The following COL11A1 variants were observed in gnomAD, a reference collection of about 807,000 sequenced individuals.
COL11A1 encodes the protein collagen type XI alpha 1 chain.
In COL11A1, 74 loss-of-function variants were observed where a neutral mutation model predicts 265.2. That is an observed-to-expected ratio of 0.28 (90% CI 0.23 to 0.34). COL11A1 has a LOEUF of 0.34. Among genes scored for constraint, COL11A1 ranks in the 10% least tolerant of loss-of-function variants. COL11A1 has a pLI of 1.00. For missense variants in COL11A1, 2,165 were observed against 2,263.6 expected (o/e 0.96, Z 0.88); for synonymous variants, 816 against 727.6 (o/e 1.12, Z -1.96).
At chr1:102,961,245 T>C (rs1570875129) in intron 41 of COL11A1, among the ~76,000 whole-genome samples, 2 of 152,156 alleles carry the variant, frequency 1.3e-5, no homozygotes, top group African/African-American at 2.4e-5. Flanking sequence ...TTCTGAGGGA[T>C]TGATATGTAT....
intron 37 of COL11A1, among the ~76,000 whole-genome samples, chr1:102,968,792 C>G (rs115818502): frequency 0.03 from 4,491 of 152,230 alleles, 250 homozygotes; most frequent in African/African-American, 0.1. Flanking sequence ...ATTCTAGAAA[C>G]ATTATGCTGT....
At chr1:103,023,576 C>T (rs12728819) in intron 7 of COL11A1, among the ~76,000 whole-genome samples, 1 of 151,842 alleles carries the variant, frequency 6.6e-6, no homozygotes, top group Admixed American at 6.6e-5. Context: ...AGGCTGGTCT[C>T]GAACTCCCGA....
chr1:102,890,665 A>G (rs975711678), intron 57 of COL11A1, among the ~76,000 whole-genome samples, 161 bp from the exon 58 acceptor site: 7 of 152,118 alleles, frequency 4.6e-5, no homozygotes, highest in African/African-American at 1.2e-4. Flanking sequence ...GTAAATTTAT[A>G]TATTTAAAAC....
chr1:103,086,483 CT>C (rs1391552657), intron 1 of COL11A1, among the ~76,000 whole-genome samples: 1 of 152,166 alleles, frequency 6.6e-6, no homozygotes, highest in East Asian at 1.9e-4. Context: ...GTGGCGCGAT[CT>C]CGGCTCGCTG....
Position 102,878,261 on chromosome 1 carries a change from T to C in COL11A1, c.5275-96A>G, listed in dbSNP as rs535917048. On this transcript the variant is annotated intron_variant, in intron 66 of 66. Transcript: ENST00000370096. Reference sequence around the variant, plus strand: ...GGGCTTCTGAGTGGAGGTAAGAAGCTGAGAGAGAAGAGAATAGAAAAACAA... The same window carrying C: ...GGGCTTCTGAGTGGAGGTAAGAAGCCGAGAGAGAAGAGAATAGAAAAACAA... 5 of 1,126,098 alleles carry C rather than the reference T, an allele frequency of 4.4e-6. No individual in the cohort carries two copies. The Admixed American group carries it at 7.3e-5, about 16-fold the overall frequency. 69.8% of individuals were successfully genotyped at this position (1,126,098 alleles called of 1,614,324 possible). A position where few individuals can be genotyped will look rare whatever the true frequency, so the allele number is the denominator to read the frequency against.
At chr1:103,044,452 T>A (rs373369386) in intron 4 of COL11A1, among the ~76,000 whole-genome samples, 11 of 152,142 alleles carry the variant, frequency 7.2e-5, no homozygotes, top group East Asian at 5.8e-4. Context: ...GTACTTCTAA[T>A]TCAACATCTG....
chr1:102,974,385 A>G (rs1256043889), intron 36 of COL11A1, among the ~76,000 whole-genome samples: 1 of 152,210 alleles, frequency 6.6e-6, no homozygotes, highest in African/African-American at 2.4e-5. Context: ...AGAGACAGAT[A>G]TAATATTAAT....
intron 54 of COL11A1, among the ~76,000 whole-genome samples, chr1:102,905,811 T>A (rs1395308005): frequency 1.3e-5 from 2 of 152,158 alleles, no homozygotes; most frequent in Admixed American, 6.5e-5. Flanking sequence ...TATACTATAC[T>A]CTGAAAGTGC....
intron 4 of COL11A1, among the ~76,000 whole-genome samples, chr1:103,048,303 G>T (rs1272904028): frequency 6.6e-6 from 1 of 152,206 alleles, no homozygotes; most frequent in Non-Finnish European, 1.5e-5. Flanking sequence ...TCTATTCAGA[G>T]ATTCAACTTC....
chr1:102,897,443 A>AAT (rs71094581), intron 57 of COL11A1, among the ~76,000 whole-genome samples: 25 of 150,430 alleles, frequency 1.7e-4, no homozygotes, highest in Admixed American at 5.3e-4. Context: ...AAGAAAAAAA[A>AAT]ATATATATAT....
At chr1:103,023,617 A>G (rs531718863) in intron 7 of COL11A1, among the ~76,000 whole-genome samples, 35 of 152,252 alleles carry the variant, frequency 2.3e-4, no homozygotes, top group African/African-American at 7.7e-4. Flanking sequence ...TTGGTCTCCC[A>G]AAGTGTTGGG....
At chr1:103,013,562 A>T (rs72987804) in intron 13 of COL11A1, among the ~76,000 whole-genome samples, 2,991 of 152,074 alleles carry the variant, frequency 0.02, 102 homozygotes, top group African/African-American at 0.068. Flanking sequence ...ATTTTTCATT[A>T]TCTTTAAACA....
In COL11A1 at chr1:103,091,542, G is replaced by A. The variant is rs187263142; in HGVS notation, c.107-8570C>T. On this transcript the variant is annotated intron_variant, in intron 1 of 66. Coordinates refer to ENST00000370096, the MANE Select transcript of COL11A1 (RefSeq NM_001854.4). ...AACTACTAAAATACATTAGTAAATTGTAAGATTATATATGAAGCCCTTACA... is the reference window on the plus strand; with the variant it reads ...AACTACTAAAATACATTAGTAAATTATAAGATTATATATGAAGCCCTTACA... 1.5e-4 allele frequency among the ~76,000 whole-genome samples: 23 copies of A among 152,098 alleles called. No homozygotes were observed. The East Asian group carries it at 4.3e-3, about 28-fold the overall frequency.
intron 39 of COL11A1, 38 bp downstream of exon 39, chr1:102,962,615 G>A: frequency 6.4e-7 from 1 of 1,574,160 alleles, no homozygotes; most frequent in South Asian, 1.1e-5. Flanking sequence ...ATAAATTAAA[G>A]TTTTGGGCCA....
In COL11A1 at chr1:102,887,037, A is replaced by G; in HGVS notation, c.4628T>C (p.Ile1543Thr). 2 of 1,613,870 alleles carry G rather than the reference A, an allele frequency of 1.2e-6. No homozygotes were observed. The highest frequency in any genetic ancestry group is 1.7e-6 in the Non-Finnish European group (2 of 1,179,816). The change falls in exon 63 of 67, where the codon ATT becomes ACT. Residue 1543 changes from isoleucine (I) to threonine (T), a missense_variant. Coordinates refer to ENST00000370096, the MANE Select transcript of COL11A1 (RefSeq NM_001854.4). ...PGSPGPPGEVIQPLPILSSKK... is the reference protein window; with the variant it reads ...PGSPGPPGEVTQPLPILSSKK... ...GGAGGACAAGATTGGTAAAGGCTGAATGACTTCACCAGGTGGACCCTGTAA... is the reference window on the plus strand; with the variant it reads ...GGAGGACAAGATTGGTAAAGGCTGAGTGACTTCACCAGGTGGACCCTGTAA...
chr1:102,914,577 T>C, intron 51 of COL11A1, 127 bp downstream of exon 51: 5 of 968,970 alleles, frequency 5.2e-6, no homozygotes, highest in East Asian at 2.6e-5. Context: ...CTTACGAATA[T>C]ATGAAATGAT....
chr1:103,022,619 A>T lies in COL11A1; in HGVS notation c.1245+123T>A, dbSNP rs530462201. 3 of 1,133,694 alleles carry T rather than the reference A, an allele frequency of 2.6e-6. No homozygotes were observed. In the Admixed American group the frequency reaches 5.5e-5, roughly 21 times the overall value. 70.2% of individuals were successfully genotyped at this position (1,133,694 alleles called of 1,614,324 possible). A position where few individuals can be genotyped will look rare whatever the true frequency, so the allele number is the denominator to read the frequency against. ...ACAAGGTGTCCTAGTGGTAATAGGC[A>T]TTCATAATTTACATAAAAATTCAAC... On this transcript the variant is annotated intron_variant, in intron 8 of 66. Transcript: ENST00000370096.
chr1:103,003,390 A>G, intron 20 of COL11A1, 122 bp from the exon 21 acceptor site: 1 of 1,043,072 alleles, frequency 9.6e-7, no homozygotes. Context: ...ATCTTTTATT[A>G]ACACACTGAA....
chr1:102,904,755 G>A (rs1249362877), intron 54 of COL11A1, among the ~76,000 whole-genome samples: 1 of 151,986 alleles, frequency 6.6e-6, no homozygotes, highest in African/African-American at 2.4e-5. Flanking sequence ...GGAGAAATAG[G>A]AACACTTTTA....
Sources: gnomAD v4.1 joint callset for allele counts (sites outside exome capture counted in the v4.1 genomes callset) on GRCh38, gnomAD v4.1.1 for gene constraint, MANE v1.5 for transcripts, NCBI Gene and HGNC (gene_info 2026-07-23, HGNC 2026-07-21) for gene names.